The following MON2 variants were observed in gnomAD, a reference collection of about 807,000 sequenced individuals.
MON2 encodes the protein protein MON2 homolog.
Under a neutral mutation model 208.6 loss-of-function variants are expected in MON2, and 84 were observed. The observed-to-expected ratio is 0.40, with a 90% CI of 0.34 to 0.48. The LOEUF (loss-of-function observed/expected upper bound fraction) is 0.48. MON2 is among the 20% of genes least tolerant of loss of function. MON2 has a pLI of 0.59. For synonymous variants in MON2, 660 were observed against 694.0 expected, an observed-to-expected ratio of 0.95 and a Z score of 0.77; for missense variants, 1,611 against 2,015.4, an observed-to-expected ratio of 0.80 and a Z score of 3.84.
At chr12:62,548,212 A>G (rs1302431259) in intron 22 of MON2, among the ~76,000 whole-genome samples, 2 of 152,212 alleles carry the variant, frequency 1.3e-5, no homozygotes. Context: ...GAGAATGGCT[A>G]CAAGTGCTCA....
rs550256717 is a variant in MON2, at chr12:62,596,492, C to T, written c.*3743C>T. The T allele has an allele frequency of 6.6e-6, 1 of 152,306 alleles. No individual in the cohort carries two copies. Among genetic ancestry groups the T allele is most frequent in the East Asian group, 1.9e-4 (1 of 5,184 alleles). 9.4% of individuals were successfully genotyped at this position (152,306 alleles called of 1,614,324 possible). On this transcript the variant is annotated 3_prime_UTR_variant, in exon 35 of 35. Coordinates refer to ENST00000393630, the MANE Select transcript of MON2 (RefSeq NM_015026.3). ...GATCTCTGAAAGCATTGCCAGCAGC[C>T]AGGTATGTTCCTTAGATTTCCACTT... is the stretch of plus-strand genomic sequence containing the variant.
intron 21 of MON2, among the ~76,000 whole-genome samples, chr12:62,546,175 A>G (rs1201951234): frequency 6.6e-6 from 1 of 152,138 alleles, no homozygotes; most frequent in Non-Finnish European, 1.5e-5. Context: ...ACACTTGAGA[A>G]TTTTACATTT....
intron 11 of MON2, among the ~76,000 whole-genome samples, chr12:62,531,690 G>A (rs1394274205): frequency 6.6e-6 from 1 of 152,082 alleles, no homozygotes; most frequent in Non-Finnish European, 1.5e-5. Context: ...GAAATGATAG[G>A]TGAGCTGGGC....
intron 14 of MON2, among the ~76,000 whole-genome samples, chr12:62,536,816 G>A (rs530694961): frequency 1.3e-5 from 2 of 151,840 alleles, no homozygotes; most frequent in South Asian, 2.1e-4. Flanking sequence ...AGCCTCCTGA[G>A]TAGCTGAGAC....
chr12:62,533,939 AC>A (rs1177605359), intron 12 of MON2, among the ~76,000 whole-genome samples: 1 of 152,188 alleles, frequency 6.6e-6, no homozygotes, highest in Non-Finnish European at 1.5e-5. Context: ...CAGTGTTGGA[AC>A]CTGCTCACAT....
chr12:62,565,488 T>C, intron 27 of MON2, 108 bp downstream of exon 27: 1 of 963,554 alleles, frequency 1.0e-6, no homozygotes, highest in African/African-American at 1.7e-5. Flanking sequence ...TACTTTTCAC[T>C]CACAAATATA....
At chr12:62,525,032 T>G in intron 9 of MON2, 52 bp from the exon 10 acceptor site, 1 of 1,481,494 alleles carries the variant, frequency 6.7e-7, no homozygotes, top group Non-Finnish European at 9.3e-7. Flanking sequence ...AGGTTTACAG[T>G]TTTTAATATA....
At chr12:62,539,613 C>T (rs536104389) in intron 19 of MON2, among the ~76,000 whole-genome samples, 8 of 152,168 alleles carry the variant, frequency 5.3e-5, no homozygotes, top group African/African-American at 1.4e-4. Flanking sequence ...GGCTTGTTAT[C>T]TTGGCTCTTA....
At chr12:62,472,579 C>G (rs914334517) in intron 1 of MON2, among the ~76,000 whole-genome samples, 27 of 152,196 alleles carry the variant, frequency 1.8e-4, no homozygotes, top group African/African-American at 6.3e-4. Flanking sequence ...TCCTCAGTAT[C>G]CAGGTGTTTT....
intron 5 of MON2, 56 bp from the exon 6 acceptor site, chr12:62,500,727 T>C (rs2070781269): frequency 1.3e-6 from 1 of 767,102 alleles, no homozygotes; most frequent in Non-Finnish European, 2.2e-6. Flanking sequence ...AAACAGAATA[T>C]ATAATTTATT....
In MON2 at chr12:62,508,449, C is replaced by G; in HGVS notation, c.953C>G (p.Ser318Cys). ...TGCATGCGTTTGCTGAGAGTAGTAT[C>G]TGTTCTGATTAAGCAGTTTTACAGT... is the stretch of plus-strand genomic sequence containing the variant. ...PICMRLLRVV[S>C]VLIKQFYSLL... Residue 318 changes from serine (S) to cysteine (C), a missense_variant, in exon 8 of 35, where the codon TCT becomes TGT. Coordinates refer to ENST00000393630, the MANE Select transcript of MON2 (RefSeq NM_015026.3). The G allele has an allele frequency of 1.2e-6, 2 of 1,614,074 alleles. No individual in the cohort carries two copies. Among genetic ancestry groups the G allele is most frequent in the South Asian group, 2.2e-5 (2 of 91,086 alleles).
rs1565683346 is a variant in MON2, at chr12:62,557,943, TATATATATA to T, written c.3409+1752_3409+1760del. On this transcript the variant is annotated intron_variant, in intron 25 of 34. Coordinates refer to ENST00000393630, the MANE Select transcript of MON2 (RefSeq NM_015026.3). Reference sequence around the variant, plus strand: ...ACGAATAGATTTATATATATATATATATATATATATATATATATATTTTTTTTTTTTTTT... The same window carrying T: ...ACGAATAGATTTATATATATATATATTATATATATATTTTTTTTTTTTTTT... Among the ~76,000 whole-genome samples the T allele has an allele frequency of 1.5e-3, 56 of 38,148 alleles. 2 individuals carry two copies. Among genetic ancestry groups the T allele is most frequent in the Non-Finnish European group, 1.6e-3 (35 of 22,258 alleles). The allele number at this position is 38,148 out of a possible 152,430, so 25.0% of individuals were successfully genotyped here.
intron 8 of MON2, among the ~76,000 whole-genome samples, chr12:62,516,167 G>A (rs1328277211): frequency 1.3e-5 from 2 of 152,116 alleles, no homozygotes; most frequent in Non-Finnish European, 2.9e-5. Flanking sequence ...AATTAGCCAG[G>A]CACAGAAAGA....
intron 8 of MON2, among the ~76,000 whole-genome samples, chr12:62,516,442 C>A (rs141306232): frequency 1.0e-3 from 157 of 152,278 alleles, no homozygotes; most frequent in Non-Finnish European, 2.9e-4. Flanking sequence ...CCATGGCTCA[C>A]GCTTGTAGTC....
intron 26 of MON2, chr12:62,564,982 T>G (rs1017547551): frequency 6.2e-6 from 2 of 324,120 alleles, no homozygotes; most frequent in African/African-American, 4.4e-5. Context: ...TTCACTTTGT[T>G]GGCCCTTTTT....
At position 62,598,126 on chromosome 12, in the gene MON2, A is replaced by G. The variant is rs1379854909; in HGVS notation, c.*5377A>G. On this transcript the variant is annotated 3_prime_UTR_variant, in exon 35 of 35. Transcript: ENST00000393630. ...TTTGATGGAAGACCCGGAATCTTAT[A>G]GTTCTCATATCTGAGTCTTTCTGGA... 2 of 152,160 alleles carry G rather than the reference A, an allele frequency of 1.3e-5. No homozygotes were observed. Among genetic ancestry groups the G allele is most frequent in the African/African-American group, 2.4e-5 (1 of 41,448 alleles). The allele number at this position is 152,160 out of a possible 1,614,324, so 9.4% of individuals were successfully genotyped here.
intron 1 of MON2, among the ~76,000 whole-genome samples, chr12:62,475,749 C>T (rs147358087): frequency 5.4e-5 from 8 of 149,168 alleles, no homozygotes; most frequent in East Asian, 2.1e-4. Flanking sequence ...GTGGCTCATG[C>T]CTGTAATCCC....
At chr12:62,545,355 C>G (rs2136276176) in intron 21 of MON2, among the ~76,000 whole-genome samples, 1 of 151,606 alleles carries the variant, frequency 6.6e-6, no homozygotes, top group Non-Finnish European at 1.5e-5. Context: ...TCTCACTACC[C>G]TTACATGGGG....
intron 1 of MON2, among the ~76,000 whole-genome samples, chr12:62,480,286 C>T (rs779065579): frequency 8.5e-5 from 13 of 152,146 alleles, no homozygotes; most frequent in Non-Finnish European, 1.6e-4. Context: ...TGACCAGGCA[C>T]GGTGGCTCAC....
Sources: allele counts gnomAD v4.1 joint callset (sites outside exome capture counted in the v4.1 genomes callset), GRCh38; gene constraint gnomAD v4.1.1; transcripts MANE v1.5; gene names NCBI Gene and HGNC (gene_info 2026-07-23, HGNC 2026-07-21).